TBC1D22A: variants seen among roughly 807,000 people sequenced by gnomAD.
TBC1D22A encodes the protein putative GTPase activator.
A neutral mutation model predicts 60.2 loss-of-function variants in TBC1D22A; 38 were observed. The ratio of observed to expected loss-of-function variants is 0.63; its 90% CI spans 0.49 to 0.83. The LOEUF (loss-of-function observed/expected upper bound fraction) is 0.83. TBC1D22A is among the 40% of genes least tolerant of loss of function. The probability of loss-of-function intolerance (pLI) is 0.00; values close to 1 mark genes in which losing one functional copy is unlikely to be tolerated. For missense variants in TBC1D22A, 628 were observed against 701.0 expected, an observed-to-expected ratio of 0.90 and a Z score of 1.18; for synonymous variants, 302 against 281.7, an observed-to-expected ratio of 1.07 and a Z score of -0.72.
intron 10 of TBC1D22A, among the ~76,000 whole-genome samples, chr22:47,005,094 C>T (rs2061539914): frequency 6.6e-6 from 1 of 151,822 alleles, no homozygotes; most frequent in African/African-American, 2.4e-5. Context: ...TGCCTGTATA[C>T]ATACACACCT....
chr22:46,891,242 AT>A, intron 5 of TBC1D22A, 23 bp from the exon 6 acceptor site: 1 of 1,592,626 alleles, frequency 6.3e-7, no homozygotes, highest in South Asian at 1.1e-5. Context: ...AACCATGTAT[AT>A]TTTTTGTTTA....
intron 11 of TBC1D22A, among the ~76,000 whole-genome samples, chr22:47,088,080 A>AAGT (rs1569433160): frequency 8.2e-6 from 1 of 121,390 alleles, no homozygotes; most frequent in South Asian, 2.9e-4. Flanking sequence ...CTCAAATAAA[A>AAGT]AATAATAATA....
intron 12 of TBC1D22A, among the ~76,000 whole-genome samples, chr22:47,151,957 C>A (rs924935508): frequency 3.9e-5 from 6 of 152,194 alleles, no homozygotes; most frequent in African/African-American, 1.4e-4. Context: ...GAAGGGCCCA[C>A]TGCAGAGGGC....
intron 7 of TBC1D22A, among the ~76,000 whole-genome samples, chr22:46,895,822 A>G (rs555630881): frequency 3.9e-5 from 6 of 152,166 alleles, no homozygotes; most frequent in African/African-American, 1.4e-4. Context: ...TGTTATCTGG[A>G]GCCTTCACGT....
chr22:46,861,946 G>A (rs537509719), intron 4 of TBC1D22A, among the ~76,000 whole-genome samples: 2 of 152,236 alleles, frequency 1.3e-5, no homozygotes, highest in Non-Finnish European at 2.9e-5. Flanking sequence ...CCCTTCCTGT[G>A]CTTCCAGGAG....
chr22:47,008,431 T>C (rs892761017), intron 10 of TBC1D22A, among the ~76,000 whole-genome samples: 1 of 152,112 alleles, frequency 6.6e-6, no homozygotes, highest in African/African-American at 2.4e-5. Flanking sequence ...AGTTCCCTCA[T>C]AGAGTTGGCC....
At chr22:46,781,157 T>A (rs1173392350) in intron 1 of TBC1D22A, among the ~76,000 whole-genome samples, 1 of 150,752 alleles carries the variant, frequency 6.6e-6, no homozygotes, top group Non-Finnish European at 1.5e-5. Flanking sequence ...TTTTTTTTTT[T>A]AGACAGGGTG....
Position 47,063,641 on chromosome 22 carries a change from C to T in TBC1D22A, c.1329+26443C>T, listed in dbSNP as rs574110466. 1.1e-3 allele frequency among the ~76,000 whole-genome samples: 175 copies of T among 152,240 alleles called. 1 individual carries two copies. The highest frequency in any genetic ancestry group is 6.8e-3 in the Middle Eastern group (2 of 294). On this transcript the variant is annotated intron_variant, in intron 11 of 12. Transcript: ENST00000337137. ...AGAATGTCAGGACTGGGCTGTCACT[C>T]GCGTGGAGTATCCATGTCCTAGAGC...
intron 7 of TBC1D22A, among the ~76,000 whole-genome samples, chr22:46,903,819 T>C (rs897644886): frequency 2.0e-5 from 3 of 152,090 alleles, no homozygotes; most frequent in African/African-American, 4.8e-5. Context: ...AAGGCAGCAG[T>C]GGAGGCACTG....
At chr22:46,955,384 G>T (rs2073132717) in intron 8 of TBC1D22A, among the ~76,000 whole-genome samples, 1 of 152,180 alleles carries the variant, frequency 6.6e-6, no homozygotes, top group Non-Finnish European at 1.5e-5. Context: ...TCATGTTTAT[G>T]TAAAAAGGCA....
chr22:46,796,052 C>A (rs1266208665), intron 3 of TBC1D22A, among the ~76,000 whole-genome samples: 1 of 152,176 alleles, frequency 6.6e-6, no homozygotes, highest in Non-Finnish European at 1.5e-5. Flanking sequence ...ACGCCCCGGG[C>A]TGGAGCCCCA....
In TBC1D22A at chr22:46,762,724, C is replaced by G; in HGVS notation, c.-63C>G. ...CCACCCGGGGCACAGGAAAGGGCCGCTAGGGGAGGGCCGGGTGCACTCGGG... is the reference window on the plus strand; with the variant it reads ...CCACCCGGGGCACAGGAAAGGGCCGGTAGGGGAGGGCCGGGTGCACTCGGG... On this transcript the variant is annotated 5_prime_UTR_variant, in exon 1 of 13. Transcript: ENST00000337137. 1 of 1,365,312 alleles carries G rather than the reference C, an allele frequency of 7.3e-7. No homozygotes were observed. The highest frequency in any genetic ancestry group is 9.5e-7 in the Non-Finnish European group (1 of 1,052,228). The allele number at this position is 1,365,312 out of a possible 1,614,324, so 84.6% of individuals were successfully genotyped here.
At chr22:46,806,784 G>A (rs924291604) in intron 4 of TBC1D22A, among the ~76,000 whole-genome samples, 13 of 152,320 alleles carry the variant, frequency 8.5e-5, no homozygotes, top group African/African-American at 2.6e-4. Context: ...TGAGAGGGCG[G>A]AGGTGAGTGC....
chr22:46,976,705 C>T (rs564223915), intron 9 of TBC1D22A, among the ~76,000 whole-genome samples: 2 of 152,308 alleles, frequency 1.3e-5, no homozygotes, highest in African/African-American at 2.4e-5. Context: ...ACCACATCAT[C>T]GCCCTGATTG....
At chr22:47,045,746 C>T (rs971120100) in intron 11 of TBC1D22A, among the ~76,000 whole-genome samples, 2 of 152,148 alleles carry the variant, frequency 1.3e-5, no homozygotes, top group African/African-American at 4.8e-5. Context: ...CTGTGGGGTA[C>T]CTGCTGTGAT....
At chr22:46,938,330 G>A (rs1489636594) in intron 8 of TBC1D22A, among the ~76,000 whole-genome samples, 1 of 152,204 alleles carries the variant, frequency 6.6e-6, no homozygotes, top group Non-Finnish European at 1.5e-5. Flanking sequence ...ACGCTGCACA[G>A]GTTTGTGGCC....
At chr22:46,798,877 C>A (rs1167419731) in intron 4 of TBC1D22A, among the ~76,000 whole-genome samples, 1 of 152,160 alleles carries the variant, frequency 6.6e-6, no homozygotes, top group African/African-American at 2.4e-5. Flanking sequence ...CACGCTCAAG[C>A]CCAGGGCAGG....
intron 12 of TBC1D22A, among the ~76,000 whole-genome samples, chr22:47,167,012 T>C (rs2337241): frequency 0.62 from 95,055 of 152,180 alleles, 29,971 homozygotes; most frequent in East Asian, 0.72. Flanking sequence ...GCAGACCCTA[T>C]ACTTCTTTTA....
At chr22:46,923,531 G>A (rs2070876330) in intron 8 of TBC1D22A, among the ~76,000 whole-genome samples, 1 of 152,244 alleles carries the variant, frequency 6.6e-6, no homozygotes, top group South Asian at 2.1e-4. Context: ...GGTCTGGGCT[G>A]GGAGGAAGAA....
Sources: allele counts gnomAD v4.1 joint callset (sites outside exome capture counted in the v4.1 genomes callset), GRCh38; gene constraint gnomAD v4.1.1; transcripts MANE v1.5; gene names NCBI Gene and HGNC (gene_info 2026-07-23, HGNC 2026-07-21).